Variants in SLAIN2 observed in about 807,000 individuals in gnomAD.
SLAIN2 encodes SLAIN family member 2, also known as SLAIN motif-containing protein 2.
A neutral mutation model predicts 56.6 loss-of-function variants in SLAIN2; 31 were observed. The ratio of observed to expected loss-of-function variants is 0.55; its 90% CI spans 0.41 to 0.74. The LOEUF is 0.74. Among genes scored for constraint, SLAIN2 ranks in the 30% least tolerant of loss-of-function variants. SLAIN2 has a pLI of 0.00. For missense variants in SLAIN2, 777 were observed against 754.2 expected (o/e 1.03, Z -0.35); for synonymous variants, 317 against 284.9 (o/e 1.11, Z -1.13).
At chr4:48,352,688 T>C (rs542415962) in intron 1 of SLAIN2, among the ~76,000 whole-genome samples, 56 of 152,332 alleles carry the variant, frequency 3.7e-4, no homozygotes, top group African/African-American at 1.2e-3. Context: ...AGGATACTTA[T>C]GGTATGGTGT....
At chr4:48,410,741 C>T (rs989922879) in intron 6 of SLAIN2, among the ~76,000 whole-genome samples, 5 of 152,160 alleles carry the variant, frequency 3.3e-5, no homozygotes, top group African/African-American at 1.2e-4. Context: ...ACCTGGAACT[C>T]AAGAATGACC....
chr4:48,417,965 A>T (rs1345586456), intron 6 of SLAIN2, among the ~76,000 whole-genome samples: 2 of 152,154 alleles, frequency 1.3e-5, no homozygotes, highest in Non-Finnish European at 2.9e-5. Flanking sequence ...CTGTGACCTT[A>T]CTGAATTCAC....
chr4:48,352,328 T>C lies in SLAIN2; in HGVS notation c.389+10200T>C, dbSNP rs79694865. Among the ~76,000 whole-genome samples the C allele has an allele frequency of 7.7e-3, 1,179 of 152,326 alleles. 13 individuals are homozygous for C. Among genetic ancestry groups the C allele is most frequent in the Non-Finnish European group, 0.01 (709 of 68,028 alleles). Reference sequence around the variant, plus strand: ...CATTTCATACCAACTACTTATAATATGTTGCATGAAAACCATCACATCACA... The same window carrying C: ...CATTTCATACCAACTACTTATAATACGTTGCATGAAAACCATCACATCACA... On this transcript the variant is annotated intron_variant, in intron 1 of 7. Transcript: ENST00000264313.
chr4:48,410,908 C>T (rs1190725099), intron 6 of SLAIN2, among the ~76,000 whole-genome samples: 2 of 152,172 alleles, frequency 1.3e-5, no homozygotes, highest in African/African-American at 4.8e-5. Flanking sequence ...GACAAAGTTG[C>T]TGCAGAATGC....
At position 48,423,375 on chromosome 4, in the gene SLAIN2, T is replaced by C. The variant is rs1577745127; in HGVS notation, c.*1298T>C. The C allele has an allele frequency of 6.6e-6, 1 of 152,180 alleles. No individual in the cohort carries two copies. The highest frequency in any genetic ancestry group is 2.4e-5 in the African/African-American group (1 of 41,464). The allele number at this position is 152,180 out of a possible 1,614,324, so 9.4% of individuals were successfully genotyped here. ...CGGCTATTTCAATTTTATCAGACTT[T>C]TACCAGAGTAAAACTTGCTTCTGTA... On this transcript the variant is annotated 3_prime_UTR_variant, in exon 8 of 8. Coordinates refer to ENST00000264313, the MANE Select transcript of SLAIN2 (RefSeq NM_020846.2).
At chr4:48,367,853 C>G (rs1715559431) in intron 1 of SLAIN2, among the ~76,000 whole-genome samples, 1 of 151,974 alleles carries the variant, frequency 6.6e-6, no homozygotes, top group Non-Finnish European at 1.5e-5. Context: ...TTACAATGAT[C>G]AAACCATTAC....
chr4:48,370,996 A>T (rs1715647516), intron 2 of SLAIN2, among the ~76,000 whole-genome samples: 1 of 152,148 alleles, frequency 6.6e-6, no homozygotes, highest in African/African-American at 2.4e-5. Context: ...CATGCAAATA[A>T]CTTACGGGAT....
chr4:48,341,959 A>G lies in SLAIN2; in HGVS notation c.220A>G (p.Lys74Glu), dbSNP rs1166693465. 1 of 1,448,320 alleles carries G rather than the reference A, an allele frequency of 6.9e-7. No individual in the cohort carries two copies. Among genetic ancestry groups the G allele is most frequent in the Non-Finnish European group, 9.0e-7 (1 of 1,106,178 alleles). The allele number at this position is 1,448,320 out of a possible 1,614,324, so 89.7% of individuals were successfully genotyped here. ...PRGFPLGLSA[K>E]SGGGPGSGPR... ...GGGCTTCCCCTTGGGCCTCAGCGCC[A>G]AGTCGGGCGGCGGGCCCGGGTCGGG... Residue 74 changes from lysine (K) to glutamate (E), a missense_variant, in exon 1 of 8, where the codon AAG becomes GAG. Lys to Glu is a moderately conservative substitution (Grantham distance 56). Coordinates refer to ENST00000264313, the MANE Select transcript of SLAIN2 (RefSeq NM_020846.2).
intron 4 of SLAIN2, among the ~76,000 whole-genome samples, chr4:48,381,126 T>G (rs545354809): frequency 6.6e-6 from 1 of 152,198 alleles, no homozygotes; most frequent in African/African-American, 2.4e-5. Context: ...CTCTGTACTT[T>G]AGAACAAGTT....
At chr4:48,362,414 T>C (rs1577713684) in intron 1 of SLAIN2, among the ~76,000 whole-genome samples, 1 of 150,640 alleles carries the variant, frequency 6.6e-6, no homozygotes, top group East Asian at 1.9e-4. Context: ...TGTCTCCCTT[T>C]CTCTCTCTCT....
intron 1 of SLAIN2, among the ~76,000 whole-genome samples, chr4:48,353,088 G>GT (rs1035733213): frequency 7.2e-5 from 11 of 152,144 alleles, no homozygotes; most frequent in Admixed American, 6.5e-4. Context: ...TTGTGGAACT[G>GT]TAAGTCCAAT....
chr4:48,412,313 G>GT (rs879643944), intron 6 of SLAIN2, among the ~76,000 whole-genome samples: 62 of 150,866 alleles, frequency 4.1e-4, no homozygotes, highest in East Asian at 7.8e-4. Flanking sequence ...CCCTACCAGG[G>GT]TGGAGATATC....
At chr4:48,344,241 A>G (rs1334225081) in intron 1 of SLAIN2, among the ~76,000 whole-genome samples, 2 of 152,208 alleles carry the variant, frequency 1.3e-5, no homozygotes, top group African/African-American at 4.8e-5. Context: ...AGTTGAATAT[A>G]AATCATATTT....
chr4:48,398,856 G>T (rs1214030447), intron 6 of SLAIN2, among the ~76,000 whole-genome samples: 3 of 152,116 alleles, frequency 2.0e-5, no homozygotes, highest in African/African-American at 4.8e-5. Context: ...TGGTCCATTT[G>T]TCTGTTCTTG....
At chr4:48,396,635 G>A (rs1220220432) in intron 6 of SLAIN2, among the ~76,000 whole-genome samples, 1 of 152,078 alleles carries the variant, frequency 6.6e-6, no homozygotes, top group African/African-American at 2.4e-5. Flanking sequence ...CTGTTCACAG[G>A]TATATTTGGC....
At chr4:48,395,948 G>A (rs2109773076) in intron 6 of SLAIN2, among the ~76,000 whole-genome samples, 1 of 150,110 alleles carries the variant, frequency 6.7e-6, no homozygotes, top group South Asian at 2.1e-4. Flanking sequence ...CATAATAAAA[G>A]AGTAGAAGAT....
chr4:48,404,689 A>G (rs777042577), intron 6 of SLAIN2, among the ~76,000 whole-genome samples: 3 of 152,346 alleles, frequency 2.0e-5, no homozygotes, highest in Non-Finnish European at 2.9e-5. Flanking sequence ...TTTTACATTT[A>G]GACTTAATAA....
At chr4:48,362,187 G>T (rs1482684602) in intron 1 of SLAIN2, among the ~76,000 whole-genome samples, 4 of 151,096 alleles carry the variant, frequency 2.6e-5, no homozygotes, top group African/African-American at 9.7e-5. Context: ...TTTAATAAAA[G>T]TATGAGAGTG....
At chr4:48,374,040 G>A (rs1490926224) in intron 2 of SLAIN2, among the ~76,000 whole-genome samples, 2 of 152,016 alleles carry the variant, frequency 1.3e-5, no homozygotes, top group African/African-American at 2.4e-5. Context: ...CTCCATCTCA[G>A]AAAAAGGAGA....
Sources: gnomAD v4.1 joint callset for allele counts (sites outside exome capture counted in the v4.1 genomes callset) on GRCh38, gnomAD v4.1.1 for gene constraint, MANE v1.5 for transcripts, NCBI Gene and HGNC (gene_info 2026-07-23, HGNC 2026-07-21) for gene names.